Variants in CADM1 observed in about 807,000 individuals in gnomAD.
CADM1 encodes the protein TSLC-1.
CADM1 carries 15 observed loss-of-function variants against 53.1 expected under a neutral mutation model. That is an observed-to-expected ratio of 0.28 (90% confidence interval 0.19 to 0.44). The LOEUF (loss-of-function observed/expected upper bound fraction) is 0.44. Ranked by LOEUF, CADM1 falls within the 20% of genes least tolerant of loss-of-function variation. The pLI is 1.00. For missense variants in CADM1, 434 were observed against 611.3 expected (o/e 0.71, Z 3.06); for synonymous variants, 281 against 243.0 (o/e 1.16, Z -1.45).
intron 6 of CADM1, among the ~76,000 whole-genome samples, 181 bp from the exon 7 acceptor site, chr11:115,214,961 G>A (rs978825597): frequency 1.3e-5 from 2 of 152,146 alleles, no homozygotes; most frequent in African/African-American, 2.4e-5. Flanking sequence ...TTTTAAACAC[G>A]ATCAGGTGTT....
At chr11:115,205,278 G>A (rs541408837) in intron 8 of CADM1, among the ~76,000 whole-genome samples, 53 of 152,174 alleles carry the variant, frequency 3.5e-4, no homozygotes, top group Admixed American at 2.2e-3. Context: ...ACGCTAACTA[G>A]GAAGGGAAAC....
At position 115,302,828 on chromosome 11, in the gene CADM1, G is replaced by A. The variant is rs921485232; in HGVS notation, c.125-62408C>T. ...ACTGGGTCACCATTGGTGACCCAAC[G>A]GTGGCAGCATTGGATTATAGCCAGG... On this transcript the variant is annotated intron_variant, in intron 1 of 11. Transcript: ENST00000331581. Among the ~76,000 whole-genome samples the A allele has an allele frequency of 5.3e-5, 8 of 151,994 alleles. No individual in the cohort carries two copies. In the East Asian group the frequency reaches 7.7e-4, roughly 15 times the overall value.
chr11:115,409,584 C>T (rs1947406939), intron 1 of CADM1, among the ~76,000 whole-genome samples: 1 of 151,608 alleles, frequency 6.6e-6, no homozygotes, highest in Non-Finnish European at 1.5e-5. Flanking sequence ...GAAGCAGTAA[C>T]CCAACTAAGT....
intron 2 of CADM1, among the ~76,000 whole-genome samples, chr11:115,239,383 T>A (rs530692196): frequency 2.7e-4 from 41 of 152,284 alleles, no homozygotes; most frequent in Admixed American, 1.8e-3. Flanking sequence ...GGCTTCACAG[T>A]ATGAAACTGA....
intron 1 of CADM1, among the ~76,000 whole-genome samples, chr11:115,306,281 T>C (rs1015520148): frequency 7.9e-5 from 12 of 152,024 alleles, no homozygotes; most frequent in Non-Finnish European, 1.5e-4. Flanking sequence ...GTAACATGCG[T>C]ACAGGTTTGT....
At chr11:115,335,437 G>A (rs1945243726) in intron 1 of CADM1, among the ~76,000 whole-genome samples, 1 of 151,956 alleles carries the variant, frequency 6.6e-6, no homozygotes, top group Admixed American at 6.6e-5. Flanking sequence ...AAGTATATGG[G>A]AAATAAAATA....
At chr11:115,212,618 T>A (rs1941013506) in intron 7 of CADM1, among the ~76,000 whole-genome samples, 1 of 152,180 alleles carries the variant, frequency 6.6e-6, no homozygotes, top group Non-Finnish European at 1.5e-5. Context: ...TCTAAAAGGA[T>A]CATCTCATAT....
chr11:115,393,541 A>G (rs372534782), intron 1 of CADM1, among the ~76,000 whole-genome samples: 4 of 148,722 alleles, frequency 2.7e-5, no homozygotes, highest in Non-Finnish European at 6.0e-5. Flanking sequence ...AAAAAAGAGC[A>G]AATGTTAACA....
chr11:115,497,545 C>T (rs1949646502), intron 1 of CADM1, among the ~76,000 whole-genome samples: 1 of 152,170 alleles, frequency 6.6e-6, no homozygotes, highest in South Asian at 2.1e-4. Flanking sequence ...CTTTTGAGAA[C>T]CAGCACTTGG....
chr11:115,179,686 T>C (rs79596309), intron 10 of CADM1, among the ~76,000 whole-genome samples: 1,762 of 152,326 alleles, frequency 0.012, 27 homozygotes, highest in African/African-American at 0.04. Context: ...CGTTGATTAA[T>C]ACATTAACAT....
At position 115,295,523 on chromosome 11, in the gene CADM1, TA is replaced by T. The variant is rs1414237813; in HGVS notation, c.125-55104del. ...AAGATATTTTATATATATATATATA[TA>T]TATATATATATATATATATATATAT... On this transcript the variant is annotated intron_variant, in intron 1 of 11. Transcript: ENST00000331581. 4.5e-3 allele frequency among the ~76,000 whole-genome samples: 359 copies of T among 79,662 alleles called. 14 individuals are homozygous for T. Among genetic ancestry groups the T allele is most frequent in the African/African-American group, 0.032 (334 of 10,576 alleles). The allele number at this position is 79,662 out of a possible 152,430, so 52.3% of individuals were successfully genotyped here.
intron 5 of CADM1, among the ~76,000 whole-genome samples, chr11:115,219,187 T>C (rs45583736): frequency 0.015 from 2,242 of 152,280 alleles, 48 homozygotes; most frequent in African/African-American, 0.05. Context: ...CTTGGCCTTT[T>C]ACAAGCTGTG....
chr11:115,302,345 T>C (rs998614557), intron 1 of CADM1, among the ~76,000 whole-genome samples: 3 of 152,088 alleles, frequency 2.0e-5, no homozygotes, highest in Admixed American at 6.6e-5. Flanking sequence ...TTATGTGAAA[T>C]AGAATTTCTC....
chr11:115,213,195 A>G (rs376763798), intron 7 of CADM1, among the ~76,000 whole-genome samples: 3 of 152,176 alleles, frequency 2.0e-5, no homozygotes, highest in Middle Eastern at 3.2e-3. Context: ...TGAAGAGAGC[A>G]CATGCAGAAA....
rs185321852 is a variant in CADM1 at position 115,474,364 on chromosome 11, G to A, written c.124+29907C>T. ...GACACTTCACCAAGATATTCATATC[G>A]CAAATAAGCATGTGAAAACTTGCTC... On this transcript the variant is annotated intron_variant, in intron 1 of 11. Transcript: ENST00000331581. 2.7e-3 allele frequency among the ~76,000 whole-genome samples: 390 copies of A among 147,056 alleles called. 2 individuals are homozygous for A. The highest frequency in any genetic ancestry group is 3.9e-3 in the Non-Finnish European group (260 of 67,236).
intron 5 of CADM1, among the ~76,000 whole-genome samples, chr11:115,222,675 G>A (rs1327279407): frequency 2.0e-5 from 3 of 152,172 alleles, no homozygotes. Flanking sequence ...TGGTGGGACT[G>A]ACGTAAGACC....
intron 1 of CADM1, among the ~76,000 whole-genome samples, chr11:115,500,486 G>A (rs1015975924): frequency 6.6e-6 from 1 of 152,156 alleles, no homozygotes; most frequent in African/African-American, 2.4e-5. Flanking sequence ...ATTCACTTAT[G>A]TATGAGACTA....
rs562997868 is a variant in CADM1, at chr11:115,173,134, C to T, written c.*3340G>A. The T allele has an allele frequency of 6.6e-6, 1 of 152,236 alleles. No homozygotes were observed. Among genetic ancestry groups the T allele is most frequent in the South Asian group, 2.1e-4 (1 of 4,814 alleles). The allele number at this position is 152,236 out of a possible 1,614,324, so 9.4% of individuals were successfully genotyped here. ...GCAGCCAAGCCAGTCCTCCACAGCT[C>T]ACGTCTTCTTTTTATGAAAGGAGAG... is the stretch of plus-strand genomic sequence containing the variant. On this transcript the variant is annotated 3_prime_UTR_variant, in exon 12 of 12. Transcript: ENST00000331581.
At chr11:115,213,506 T>C (rs984149769) in intron 7 of CADM1, among the ~76,000 whole-genome samples, 8 of 152,122 alleles carry the variant, frequency 5.3e-5, no homozygotes, top group African/African-American at 1.2e-4. Context: ...ACCTCAGGTA[T>C]AGGCTAAGGA....
Sources: allele counts gnomAD v4.1 joint callset (sites outside exome capture counted in the v4.1 genomes callset), GRCh38; gene constraint gnomAD v4.1.1; transcripts MANE v1.5; gene names NCBI Gene and HGNC (gene_info 2026-07-23, HGNC 2026-07-21).